The following NAV3 variants were observed in gnomAD, a reference collection of about 807,000 sequenced individuals.
The protein encoded by NAV3 is pore membrane and/or filament interacting like protein 1.
In NAV3, 87 loss-of-function variants were observed where a neutral mutation model predicts 244.7. The observed-to-expected ratio is 0.36, with a 90% CI of 0.30 to 0.42. The LOEUF (loss-of-function observed/expected upper bound fraction) is 0.42. Ranked by LOEUF, NAV3 falls within the 20% of genes least tolerant of loss-of-function variation. NAV3 has a pLI of 1.00. For synonymous variants in NAV3, 1,126 were observed against 1,042.2 expected (o/e 1.08, Z -1.55); for missense variants, 2,663 against 2,893.3 (o/e 0.92, Z 1.83).
At chr12:78,080,228 A>T (rs550732032) in intron 12 of NAV3, among the ~76,000 whole-genome samples, 2 of 152,298 alleles carry the variant, frequency 1.3e-5, no homozygotes, top group Non-Finnish European at 2.9e-5. Context: ...CACAAAGTAT[A>T]AAAGTACCAA....
chr12:77,803,632 G>A (rs1256964490), intron 2 of NAV3, among the ~76,000 whole-genome samples: 1 of 152,042 alleles, frequency 6.6e-6, no homozygotes, highest in Admixed American at 6.6e-5. Flanking sequence ...AAATCCTTTG[G>A]GTATATGCCC....
chr12:78,114,546 A>G (rs762577842), intron 12 of NAV3, among the ~76,000 whole-genome samples: 5 of 152,052 alleles, frequency 3.3e-5, no homozygotes, highest in Non-Finnish European at 7.4e-5. Flanking sequence ...CGGGGGAAAA[A>G]CCCTTATAAA....
chr12:78,156,886 A>G (rs868400417), intron 22 of NAV3, among the ~76,000 whole-genome samples: 38 of 152,268 alleles, frequency 2.5e-4, no homozygotes, highest in South Asian at 2.1e-4. Flanking sequence ...CTTATGCTAC[A>G]TACCACATGG....
At chr12:77,932,241 C>G (rs943636930) in intron 1 of NAV3, among the ~76,000 whole-genome samples, 1 of 152,016 alleles carries the variant, frequency 6.6e-6, no homozygotes, top group Admixed American at 6.6e-5. Flanking sequence ...CCTGATAACC[C>G]TAAGTCCGGA....
chr12:78,139,521 A>G (rs1366106710), intron 19 of NAV3, among the ~76,000 whole-genome samples: 1 of 152,216 alleles, frequency 6.6e-6, no homozygotes, highest in African/African-American at 2.4e-5. Flanking sequence ...CACAATGAGC[A>G]GAAATAAACA....
At chr12:77,867,134 C>T (rs1880166411) in intron 1 of NAV3, among the ~76,000 whole-genome samples, 1 of 152,106 alleles carries the variant, frequency 6.6e-6, no homozygotes, top group South Asian at 2.1e-4. Flanking sequence ...TTCATAATTC[C>T]CATGTGTTAT....
At chr12:78,138,574 C>G (rs10506771) in intron 19 of NAV3, among the ~76,000 whole-genome samples, 16,498 of 152,118 alleles carry the variant, frequency 0.11, 992 homozygotes, top group East Asian at 0.26. Context: ...AATGACTCCA[C>G]TGATTTTTTC....
chr12:77,809,873 A>G (rs1872194923), intron 2 of NAV3, among the ~76,000 whole-genome samples: 1 of 152,216 alleles, frequency 6.6e-6, no homozygotes, highest in Non-Finnish European at 1.5e-5. Context: ...AGTGTTTGTC[A>G]GATACATACT....
intron 23 of NAV3, among the ~76,000 whole-genome samples, chr12:78,165,737 A>G (rs1387113475): frequency 1.3e-5 from 2 of 151,780 alleles, no homozygotes; most frequent in Non-Finnish European, 2.9e-5. Flanking sequence ...ACTAGAAATA[A>G]ACTATTGAAA....
intron 2 of NAV3, among the ~76,000 whole-genome samples, chr12:77,599,897 G>A (rs1870344413): frequency 6.6e-6 from 1 of 151,970 alleles, no homozygotes; most frequent in Admixed American, 6.6e-5. Flanking sequence ...AGGAAGGCCT[G>A]TTAATGATTA....
intron 1 of NAV3, among the ~76,000 whole-genome samples, chr12:77,859,212 T>C (rs1878838347): frequency 6.6e-6 from 1 of 152,108 alleles, no homozygotes; most frequent in African/African-American, 2.4e-5. Flanking sequence ...TGTAATTTCC[T>C]TTAATTCATG....
At chr12:77,730,700 C>G (rs1001180747) in intron 2 of NAV3, among the ~76,000 whole-genome samples, 18 of 149,526 alleles carry the variant, frequency 1.2e-4, no homozygotes, top group African/African-American at 4.4e-4. Context: ...AAAGATAAAA[C>G]AAGACTCTCT....
chr12:77,953,973 G>A (rs921622488), intron 3 of NAV3, among the ~76,000 whole-genome samples: 1 of 152,124 alleles, frequency 6.6e-6, no homozygotes, highest in Non-Finnish European at 1.5e-5. Flanking sequence ...CATTGGGCTG[G>A]AATCAAGGTG....
intron 1 of NAV3, among the ~76,000 whole-genome samples, chr12:77,842,061 A>G (rs930909214): frequency 2.0e-5 from 3 of 152,206 alleles, no homozygotes; most frequent in African/African-American, 7.2e-5. Context: ...GTTCAAGATT[A>G]AGCAAAAATT....
At chr12:77,777,992 G>A (rs1353697981) in intron 2 of NAV3, among the ~76,000 whole-genome samples, 28 of 152,116 alleles carry the variant, frequency 1.8e-4, no homozygotes, top group Admixed American at 1.8e-3. Flanking sequence ...TCTTAGTAGA[G>A]ACAGGGTTTC....
intron 1 of NAV3, among the ~76,000 whole-genome samples, chr12:77,916,586 T>C (rs1355818747): frequency 6.6e-6 from 1 of 152,074 alleles, no homozygotes; most frequent in African/African-American, 2.4e-5. Context: ...ACTAATGTCT[T>C]CTTTTTTTCC....
intron 2 of NAV3, among the ~76,000 whole-genome samples, chr12:77,673,181 CTT>C (rs1276623759): frequency 6.6e-6 from 1 of 152,022 alleles, no homozygotes; most frequent in African/African-American, 2.4e-5. Context: ...TTTTGCTCAT[CTT>C]TTTTTGCTGA....
chr12:77,780,239 C>G (rs1029147834), intron 2 of NAV3, among the ~76,000 whole-genome samples: 4 of 152,124 alleles, frequency 2.6e-5, no homozygotes, highest in Non-Finnish European at 1.5e-5. Flanking sequence ...AGCCAGTAAT[C>G]CCGAGGACAA....
intron 2 of NAV3, among the ~76,000 whole-genome samples, chr12:77,626,665 GA>G (rs963847400): frequency 4.0e-5 from 6 of 151,630 alleles, no homozygotes; most frequent in African/African-American, 1.2e-4. Flanking sequence ...GCATAAAGAA[GA>G]AAAAAAACCT....
Sources: allele counts gnomAD v4.1 joint callset (sites outside exome capture counted in the v4.1 genomes callset), GRCh38; gene constraint gnomAD v4.1.1; transcripts MANE v1.5; gene names NCBI Gene and HGNC (gene_info 2026-07-23, HGNC 2026-07-21).